The following RAD51B variants were observed in gnomAD, a reference collection of about 807,000 sequenced individuals.
The protein encoded by RAD51B is RAD51 paralog B, also known as DNA repair protein RAD51 homolog 2.
RAD51B carries 38 observed loss-of-function variants against 42.2 expected under a neutral mutation model. That is an observed-to-expected ratio of 0.90 (90% CI 0.70 to 1.18). The LOEUF is 1.18. RAD51B is among the 50% of genes most tolerant of loss of function. RAD51B has a pLI of 0.00. For synonymous variants in RAD51B, 154 were observed against 145.2 expected, an observed-to-expected ratio of 1.06 and a Z score of -0.43; for missense variants, 373 against 400.7, an observed-to-expected ratio of 0.93 and a Z score of 0.59.
At chr14:68,648,360 G>A (rs1892628390) in intron 10 of RAD51B, among the ~76,000 whole-genome samples, 2 of 147,240 alleles carry the variant, frequency 1.4e-5, no homozygotes, top group South Asian at 4.4e-4. Flanking sequence ...GAGGTAAGAG[G>A]AAGAGATTAG....
chr14:68,439,796 A>G (rs986909645), intron 9 of RAD51B, among the ~76,000 whole-genome samples: 1 of 152,310 alleles, frequency 6.6e-6, no homozygotes, highest in East Asian at 1.9e-4. Flanking sequence ...ATAATGTCTC[A>G]TGGGGGTTGG....
At chr14:68,388,685 A>G (rs1364670407) in intron 8 of RAD51B, among the ~76,000 whole-genome samples, 1 of 152,172 alleles carries the variant, frequency 6.6e-6, no homozygotes, top group Non-Finnish European at 1.5e-5. Flanking sequence ...GTCTTACATC[A>G]GGCGGTGAGG....
intron 8 of RAD51B, among the ~76,000 whole-genome samples, chr14:68,394,927 A>G (rs1286794967): frequency 1.3e-5 from 2 of 150,966 alleles, no homozygotes; most frequent in Non-Finnish European, 3.0e-5. Context: ...TCTTTTTCTC[A>G]GTGAGCCTCA....
chr14:68,292,097 G>T, intron 8 of RAD51B, 117 bp downstream of exon 8: 2 of 889,672 alleles, frequency 2.2e-6, no homozygotes, highest in Non-Finnish European at 3.5e-6. Context: ...AGTGAACCCA[G>T]CCGGAGCCTG....
chr14:67,911,618 AC>A (rs2043981162), intron 7 of RAD51B, among the ~76,000 whole-genome samples: 1 of 152,180 alleles, frequency 6.6e-6, no homozygotes, highest in Non-Finnish European at 1.5e-5. Flanking sequence ...TTCTCATTAT[AC>A]TTTGATATGA....
At chr14:68,084,753 A>C (rs1433551655) in intron 7 of RAD51B, among the ~76,000 whole-genome samples, 4 of 152,242 alleles carry the variant, frequency 2.6e-5, no homozygotes, top group Non-Finnish European at 5.9e-5. Flanking sequence ...TGATTGATTC[A>C]TTCATTCAAC....
At chr14:68,069,323 T>A (rs1480648131) in intron 7 of RAD51B, among the ~76,000 whole-genome samples, 10 of 152,168 alleles carry the variant, frequency 6.6e-5, no homozygotes, top group Admixed American at 6.5e-4. Context: ...TGCAGGTTTG[T>A]TACATGGGTA....
intron 5 of RAD51B, among the ~76,000 whole-genome samples, chr14:67,871,800 T>C (rs1257517719): frequency 2.6e-5 from 4 of 152,198 alleles, no homozygotes; most frequent in Non-Finnish European, 4.4e-5. Flanking sequence ...AATCAATAAA[T>C]GTAATCCAGC....
At chr14:68,681,702 G>C (rs910654283) in intron 11 of RAD51B, among the ~76,000 whole-genome samples, 5 of 152,150 alleles carry the variant, frequency 3.3e-5, no homozygotes, top group African/African-American at 1.2e-4. Context: ...GTAATATCGT[G>C]TCCTGGGCCA....
chr14:67,958,959 C>T (rs1281795807), intron 7 of RAD51B, among the ~76,000 whole-genome samples: 7 of 152,254 alleles, frequency 4.6e-5, no homozygotes, highest in South Asian at 4.2e-4. Flanking sequence ...TGCCCTTTCT[C>T]TAGATCGATC....
chr14:67,853,819 C>T (rs75589788), intron 4 of RAD51B, among the ~76,000 whole-genome samples: 3,770 of 152,180 alleles, frequency 0.025, 76 homozygotes, highest in African/African-American at 0.056. Context: ...TTTTGACTTA[C>T]GTGAATGTCA....
At chr14:68,461,305 T>C (rs73278350) in intron 9 of RAD51B, among the ~76,000 whole-genome samples, 2,091 of 148,570 alleles carry the variant, frequency 0.014, 52 homozygotes, top group African/African-American at 0.049. Context: ...AGCTCCCTTC[T>C]TTGTCTTGAA....
intron 8 of RAD51B, among the ~76,000 whole-genome samples, chr14:68,405,829 C>CAAAAAAAAAAAAAAAAAAAAAAAAAA (rs10547910): frequency 1.4e-5 from 1 of 71,546 alleles, no homozygotes; most frequent in Non-Finnish European, 3.1e-5. Flanking sequence ...AGTTTATCAC[C>CAAAAAAAAAAAAAAAAAAAAAAAAAA]AAAAAAAAAA....
At chr14:67,949,276 T>C (rs1459194199) in intron 7 of RAD51B, among the ~76,000 whole-genome samples, 1 of 152,248 alleles carries the variant, frequency 6.6e-6, no homozygotes, top group African/African-American at 2.4e-5. Flanking sequence ...ATCAGTCCTC[T>C]GAAACCCTGC....
At chr14:68,539,194 T>C (rs989193717) in intron 10 of RAD51B, among the ~76,000 whole-genome samples, 1 of 152,178 alleles carries the variant, frequency 6.6e-6, no homozygotes, top group African/African-American at 2.4e-5. Context: ...CTCCATGCCA[T>C]GCGAACTGGA....
chr14:68,348,126 T>C (rs1190334363), intron 8 of RAD51B, among the ~76,000 whole-genome samples: 1 of 152,194 alleles, frequency 6.6e-6, no homozygotes, highest in Admixed American at 6.5e-5. Context: ...GGACATTCCC[T>C]CAAAGAGTTT....
intron 3 of RAD51B, among the ~76,000 whole-genome samples, chr14:67,833,771 AG>A (rs1354565363): frequency 2.0e-5 from 3 of 152,210 alleles, no homozygotes; most frequent in African/African-American, 7.2e-5. Context: ...ACCGTGGATA[AG>A]GGGGACTGTT....
At chr14:67,930,006 A>G (rs1318272002) in intron 7 of RAD51B, among the ~76,000 whole-genome samples, 1 of 152,064 alleles carries the variant, frequency 6.6e-6, no homozygotes, top group Middle Eastern at 3.2e-3. Context: ...ATATAAGTGT[A>G]GGTATTTCTG....
chr14:68,567,659 C>T (rs1467188554), intron 10 of RAD51B, among the ~76,000 whole-genome samples: 1 of 152,200 alleles, frequency 6.6e-6, no homozygotes, highest in Non-Finnish European at 1.5e-5. Context: ...TACTTTTTAT[C>T]ATCTGTTTTC....
Sources: allele counts gnomAD v4.1 joint callset (sites outside exome capture counted in the v4.1 genomes callset), GRCh38; gene constraint gnomAD v4.1.1; transcripts MANE v1.5; gene names NCBI Gene and HGNC (gene_info 2026-07-23, HGNC 2026-07-21).